Variants in TNRC6B observed in about 807,000 individuals in gnomAD.
TNRC6B encodes the protein trinucleotide repeat-containing gene 6B protein.
Under a neutral mutation model 203.6 loss-of-function variants are expected in TNRC6B, and 52 were observed. The observed-to-expected ratio is 0.26, with a 90% CI of 0.20 to 0.32. The LOEUF is 0.32. Among genes scored for constraint, TNRC6B ranks in the 10% least tolerant of loss-of-function variants. The probability of loss-of-function intolerance (pLI) is 1.00; values close to 1 mark genes in which losing one functional copy is unlikely to be tolerated. For synonymous variants in TNRC6B, 838 were observed against 845.7 expected, an observed-to-expected ratio of 0.99 and a Z score of 0.16; for missense variants, 1,923 against 2,286.2, an observed-to-expected ratio of 0.84 and a Z score of 3.24.
chr22:40,166,421 A>G (rs951039899), intron 4 of TNRC6B, among the ~76,000 whole-genome samples: 1 of 150,736 alleles, frequency 6.6e-6, no homozygotes. Flanking sequence ...TTTTTTGGCC[A>G]TGCTATACTC....
intron 1 of TNRC6B, among the ~76,000 whole-genome samples, chr22:40,194,250 C>A (rs2069309120): frequency 6.6e-6 from 1 of 152,134 alleles, no homozygotes; most frequent in Non-Finnish European, 1.5e-5. Flanking sequence ...TGGGGTAAAC[C>A]CCGGGCAGAG....
At chr22:40,262,927 C>T (rs1197108031) in intron 4 of TNRC6B, among the ~76,000 whole-genome samples, 1 of 151,824 alleles carries the variant, frequency 6.6e-6, no homozygotes, top group Non-Finnish European at 1.5e-5. Flanking sequence ...GTAGTCCCAG[C>T]TACTCGGGAG....
rs553235378 is a variant in TNRC6B, at chr22:40,180,392, A to T, written c.5+2252A>T. On this transcript the variant is annotated intron_variant, in intron 1 of 22. Coordinates refer to ENST00000454349, the MANE Select transcript of TNRC6B (RefSeq NM_001162501.2). ...TTAATTCAGTTTGCAGAGAGGAGGA[A>T]CCAGAGCAGGGTACCTGCTGTCTTA... Among the ~76,000 whole-genome samples, 3 of 152,330 alleles carry T rather than the reference A, an allele frequency of 2.0e-5. No homozygotes were observed. In the East Asian group the frequency reaches 5.8e-4, roughly 29 times the overall value.
chr22:40,132,568 A>C (rs2413615), intron 3 of TNRC6B, among the ~76,000 whole-genome samples: 30,833 of 134,104 alleles, frequency 0.23, 3,736 homozygotes, highest in Admixed American at 0.34. Flanking sequence ...TTGCTTGAAC[A>C]TGGGAGGCAG....
intron 3 of TNRC6B, among the ~76,000 whole-genome samples, chr22:40,139,680 C>T (rs1015441432): frequency 6.6e-6 from 1 of 152,146 alleles, no homozygotes; most frequent in Non-Finnish European, 1.5e-5. Flanking sequence ...GGATGATTCC[C>T]ACCTTTTGAC....
chr22:40,064,393 C>G (rs1308268485), intron 1 of TNRC6B, among the ~76,000 whole-genome samples: 1 of 151,134 alleles, frequency 6.6e-6, no homozygotes, highest in Non-Finnish European at 1.5e-5. Context: ...TTTAAGATGG[C>G]CTTTATCGGG....
chr22:40,212,739 C>T (rs1462823730), intron 1 of TNRC6B, among the ~76,000 whole-genome samples: 1 of 152,052 alleles, frequency 6.6e-6, no homozygotes, highest in Non-Finnish European at 1.5e-5. Flanking sequence ...GGTGTGATCT[C>T]CTGGGTTCAA....
intron 20 of TNRC6B, 122 bp downstream of exon 20, chr22:40,315,629 T>C (rs1294578357): frequency 8.7e-7 from 1 of 1,152,460 alleles, no homozygotes; most frequent in Non-Finnish European, 1.2e-6. Context: ...TGCTTTTTCT[T>C]CTGGTAGAGG....
chr22:40,269,359 C>T (rs2146506035), intron 5 of TNRC6B, among the ~76,000 whole-genome samples: 1 of 151,996 alleles, frequency 6.6e-6, no homozygotes, highest in South Asian at 2.1e-4. Flanking sequence ...GTCTTGAACT[C>T]CTGACCTCAG....
At chr22:40,322,126 G>A (rs1249821442) in intron 22 of TNRC6B, among the ~76,000 whole-genome samples, 3 of 152,172 alleles carry the variant, frequency 2.0e-5, no homozygotes, top group Non-Finnish European at 2.9e-5. Context: ...GATGCTTTGG[G>A]TATGGTCTCT....
chr22:40,184,390 A>G (rs1031332130), intron 1 of TNRC6B, among the ~76,000 whole-genome samples: 1 of 152,236 alleles, frequency 6.6e-6, no homozygotes, highest in Non-Finnish European at 1.5e-5. Flanking sequence ...GGGGAACAGC[A>G]TAGAGAGTAC....
chr22:40,069,952 G>A (rs1158125798), intron 1 of TNRC6B, among the ~76,000 whole-genome samples: 1 of 152,122 alleles, frequency 6.6e-6, no homozygotes, highest in Non-Finnish European at 1.5e-5. Context: ...GAGGATTGGT[G>A]TATATTAAAA....
At chr22:40,131,060 C>T (rs1211865316) in intron 3 of TNRC6B, among the ~76,000 whole-genome samples, 7 of 151,642 alleles carry the variant, frequency 4.6e-5, no homozygotes, top group Admixed American at 2.6e-4. Flanking sequence ...CCTGCCGCCA[C>T]GCCCGGATAA....
rs139911152 is a variant in TNRC6B, at chr22:40,218,004, C to T, written c.6-28011C>T. Among the ~76,000 whole-genome samples the T allele has an allele frequency of 1.3e-4, 19 of 149,162 alleles. 1 individual carries two copies. The highest frequency in any genetic ancestry group is 3.4e-4 in the African/African-American group (14 of 41,032). On this transcript the variant is annotated intron_variant, in intron 1 of 22. Coordinates refer to ENST00000454349, the MANE Select transcript of TNRC6B (RefSeq NM_001162501.2). ...AAAAAAAAAAAATTACTGAAATAAG[C>T]ACAGAACCCTCCAAGGTAACTGCTT... is the stretch of plus-strand genomic sequence containing the variant.
intron 1 of TNRC6B, among the ~76,000 whole-genome samples, chr22:40,231,057 A>C (rs138050): frequency 0.26 from 39,565 of 151,458 alleles, 6,451 homozygotes; most frequent in East Asian, 0.53. Context: ...CTCTCTCTAT[A>C]TATATATATA....
chr22:40,085,167 A>G (rs1349589854), intron 1 of TNRC6B, among the ~76,000 whole-genome samples: 1 of 152,182 alleles, frequency 6.6e-6, no homozygotes, highest in African/African-American at 2.4e-5. Context: ...TTGTTTTGGA[A>G]GAAGATCTTC....
chr22:40,189,202 C>A (rs2069241422), intron 1 of TNRC6B, among the ~76,000 whole-genome samples: 1 of 152,138 alleles, frequency 6.6e-6, no homozygotes. Flanking sequence ...AATTGGCCAT[C>A]CATACTGAGA....
intron 3 of TNRC6B, among the ~76,000 whole-genome samples, chr22:40,140,086 C>G (rs2068632823): frequency 6.6e-6 from 1 of 152,186 alleles, no homozygotes; most frequent in Non-Finnish European, 1.5e-5. Flanking sequence ...CTTTTCCTCA[C>G]TGAATTACAT....
At chr22:40,219,531 G>T (rs1222570414) in intron 1 of TNRC6B, among the ~76,000 whole-genome samples, 1 of 152,128 alleles carries the variant, frequency 6.6e-6, no homozygotes, top group Non-Finnish European at 1.5e-5. Context: ...GTATGGTTCA[G>T]GCATTCACCG....
Sources: gnomAD v4.1 joint callset for allele counts (sites outside exome capture counted in the v4.1 genomes callset) on GRCh38, gnomAD v4.1.1 for gene constraint, MANE v1.5 for transcripts, NCBI Gene and HGNC (gene_info 2026-07-23, HGNC 2026-07-21) for gene names.